The following RPA1 variants were observed in gnomAD, a reference collection of about 807,000 sequenced individuals.
RPA1 encodes replication protein A1, also known as replication protein A 70 kDa DNA-binding subunit.
Under a neutral mutation model 83.0 loss-of-function variants are expected in RPA1, and 49 were observed. The ratio of observed to expected loss-of-function variants is 0.59; its 90% CI spans 0.47 to 0.75. The LOEUF (loss-of-function observed/expected upper bound fraction) is 0.75, where lower values mean the gene tolerates loss of function less well. Among genes scored for constraint, RPA1 ranks in the 30% least tolerant of loss-of-function variants. The probability of loss-of-function intolerance (pLI) is 0.00; values close to 1 mark genes in which losing one functional copy is unlikely to be tolerated. For missense variants in RPA1, 693 were observed against 776.1 expected, an observed-to-expected ratio of 0.89 and a Z score of 1.27; for synonymous variants, 279 against 281.8, an observed-to-expected ratio of 0.99 and a Z score of 0.10.
In RPA1 at chr17:1,897,249, C is replaced by G; in HGVS notation, c.*74C>G. On this transcript the variant is annotated 3_prime_UTR_variant, in exon 17 of 17. Coordinates refer to ENST00000254719, the MANE Select transcript of RPA1 (RefSeq NM_002945.5). ...TCGATTTCCTCCCACCTCCGTGTGA[C>G]GATCCCATGTTAGCTACACAGTGCA... 1 of 1,137,728 alleles carries G rather than the reference C, an allele frequency of 8.8e-7. No individual in the cohort carries two copies. Among genetic ancestry groups the G allele is most frequent in the African/African-American group, 1.5e-5 (1 of 65,086 alleles). 70.5% of individuals were successfully genotyped at this position (1,137,728 alleles called of 1,614,324 possible).
At position 1,888,799 on chromosome 17, in the gene RPA1, G is replaced by A; in HGVS notation, c.1499G>A (p.Cys500Tyr). ...GATCAACAGAATGGATTGTACCGCT[G>A]TGAGAAGTGCGACACCGAATTTCCC... is the stretch of plus-strand genomic sequence containing the variant. Reference protein sequence around the residue: ...VIDQQNGLYRCEKCDTEFPNF... With the variant: ...VIDQQNGLYRYEKCDTEFPNF... Residue 500 changes from cysteine to tyrosine, a missense_variant, in exon 14 of 17, where the codon TGT (cysteine) becomes TAT (tyrosine). Coordinates refer to ENST00000254719, the MANE Select transcript of RPA1 (RefSeq NM_002945.5). The A allele has an allele frequency of 6.2e-7, 1 of 1,614,180 alleles. No homozygotes were observed. The highest frequency in any genetic ancestry group is 8.5e-7 in the Non-Finnish European group (1 of 1,180,012).
At chr17:1,874,032 T>TACACACACACAC (rs67199303) in intron 6 of RPA1, among the ~76,000 whole-genome samples, 5 of 79,256 alleles carry the variant, frequency 6.3e-5, no homozygotes, top group African/African-American at 1.9e-4. Flanking sequence ...TATATATATA[T>TACACACACACAC]ACACACACAC....
chr17:1,839,788 G>GTTT lies in RPA1; in HGVS notation c.34-2992_34-2990dup, dbSNP rs71150821. On this transcript the variant is annotated intron_variant, in intron 1 of 16. Coordinates refer to ENST00000254719, the MANE Select transcript of RPA1 (RefSeq NM_002945.5). ...TAGCTGGGACGACTGCGCCCAGCTA[G>GTTT]TTTTTTTTTTTTTTTTTTTTTTTTT... Among the ~76,000 whole-genome samples, 605 of 68,922 alleles carry GTTT rather than the reference G, an allele frequency of 8.8e-3. 39 individuals carry two copies. The highest frequency in any genetic ancestry group is 0.026 in the African/African-American group (518 of 20,196). 45.2% of individuals were successfully genotyped at this position (68,922 alleles called of 152,430 possible).
At chr17:1,845,684 A>G (rs144132469) in intron 4 of RPA1, among the ~76,000 whole-genome samples, 247 of 152,134 alleles carry the variant, frequency 1.6e-3, no homozygotes, top group Middle Eastern at 6.9e-3. Flanking sequence ...TCATGCCAAC[A>G]CTTTGGGAGA....
At chr17:1,848,567 C>T (rs1912355204) in intron 4 of RPA1, among the ~76,000 whole-genome samples, 3 of 151,568 alleles carry the variant, frequency 2.0e-5, no homozygotes, top group South Asian at 2.1e-4. Context: ...GTCAAGATTG[C>T]GCCATTGTAC....
At chr17:1,861,038 A>G (rs538628491) in intron 5 of RPA1, among the ~76,000 whole-genome samples, 6 of 152,246 alleles carry the variant, frequency 3.9e-5, no homozygotes, top group African/African-American at 1.4e-4. Context: ...TGGTAGAAAC[A>G]GGTACTATTT....
intron 1 of RPA1, among the ~76,000 whole-genome samples, chr17:1,831,945 C>T (rs1183678996): frequency 1.4e-5 from 1 of 72,034 alleles, no homozygotes; most frequent in African/African-American, 5.6e-5. Flanking sequence ...CTCACTCTTT[C>T]TCCCCATACC....
At chr17:1,849,693 G>A (rs1019642429) in intron 4 of RPA1, among the ~76,000 whole-genome samples, 1 of 151,492 alleles carries the variant, frequency 6.6e-6, no homozygotes, top group African/African-American at 2.4e-5. Flanking sequence ...GTCAGCAGTT[G>A]CCTGATTTTC....
chr17:1,884,051 C>A lies in RPA1; in HGVS notation c.1374+107C>A. ...AGCTGTCAGAGCCGTAATTCTTACC[C>A]GGGGCTGTGACCTGAGCGTGGCATG... On this transcript the variant is annotated intron_variant, in intron 13 of 16. Coordinates refer to ENST00000254719, the MANE Select transcript of RPA1 (RefSeq NM_002945.5). The surrounding 1 kb of genome is among the most constrained non-coding windows in gnomAD (Gnocchi z 4.1). 2.0e-6 allele frequency: 3 copies of A among 1,489,716 alleles called. No individual in the cohort carries two copies. The highest frequency in any genetic ancestry group is 2.7e-6 in the Non-Finnish European group (3 of 1,093,416). The allele number at this position is 1,489,716 out of a possible 1,614,324, so 92.3% of individuals were successfully genotyped here.
intron 5 of RPA1, among the ~76,000 whole-genome samples, chr17:1,862,262 T>C (rs1377136614): frequency 1.4e-5 from 2 of 139,230 alleles, no homozygotes; most frequent in Non-Finnish European, 3.0e-5. Flanking sequence ...CTTGAACTCC[T>C]GGGCTCAAGC....
At chr17:1,894,933 C>A (rs902801604) in intron 15 of RPA1, 76 bp from the exon 16 acceptor site, 9 of 1,197,246 alleles carry the variant, frequency 7.5e-6, no homozygotes, top group Non-Finnish European at 1.1e-5. Context: ...TTTCAGAAGT[C>A]TTTTTAAAAG....
At chr17:1,846,311 CTTTTTTTT>C (rs71150823) in intron 4 of RPA1, among the ~76,000 whole-genome samples, 10 of 75,786 alleles carry the variant, frequency 1.3e-4, no homozygotes, top group Non-Finnish European at 1.6e-4. Context: ...GGAAGCTTTG[CTTTTTTTT>C]TTTTTTTTTT....
In RPA1 at chr17:1,898,335, A is replaced by G. The variant is rs187971451; in HGVS notation, c.*1160A>G. On this transcript the variant is annotated 3_prime_UTR_variant, in exon 17 of 17. Transcript: ENST00000254719. Reference sequence around the variant, plus strand: ...ATTGATGTTTACGCAGCAGTCTAACACCAACCACGCTTTGAAATGTGTACA... The same window carrying G: ...ATTGATGTTTACGCAGCAGTCTAACGCCAACCACGCTTTGAAATGTGTACA... 2.0e-5 allele frequency: 3 copies of G among 152,358 alleles called. No individual in the cohort carries two copies. The highest frequency in any genetic ancestry group is 4.4e-5 in the Non-Finnish European group (3 of 68,032). 9.4% of individuals were successfully genotyped at this position (152,358 alleles called of 1,614,324 possible).
At chr17:1,840,565 C>T (rs1214169906) in intron 1 of RPA1, among the ~76,000 whole-genome samples, 1 of 151,982 alleles carries the variant, frequency 6.6e-6, no homozygotes, top group Non-Finnish European at 1.5e-5. Context: ...GGATTACAGG[C>T]GTGAGCCACC....
intron 11 of RPA1, among the ~76,000 whole-genome samples, chr17:1,880,203 C>T (rs1320106280): frequency 2.6e-5 from 4 of 151,948 alleles, no homozygotes; most frequent in African/African-American, 4.8e-5. Flanking sequence ...AGGAGCTCCT[C>T]GTGGGGGCGG....
chr17:1,891,955 T>G lies in RPA1; in HGVS notation c.1659+15T>G. The G allele has an allele frequency of 6.5e-7, 1 of 1,542,420 alleles. No individual in the cohort carries two copies. On this transcript the variant is annotated intron_variant, in intron 15 of 16. Coordinates refer to ENST00000254719, the MANE Select transcript of RPA1 (RefSeq NM_002945.5). ...TAAAAGACAAGGTCAGCCACATATT[T>G]TATTATAACTTCTATAACTTTTAAT...
rs951079737 is a variant in RPA1, at chr17:1,830,189, G to A, written c.33+63G>A. ...TGGCTGCGGCCCCGAGCCTCGCGGA[G>A]TAGAGAGGGGGAGGGGAGCCCGGGG... On this transcript the variant is annotated intron_variant, in intron 1 of 16. Transcript: ENST00000254719. The A allele has an allele frequency of 6.1e-6, 7 of 1,138,714 alleles. No homozygotes were observed. In the African/African-American group the frequency reaches 1.1e-4, roughly 18 times the overall value. The allele number at this position is 1,138,714 out of a possible 1,614,324, so 70.5% of individuals were successfully genotyped here.
At chr17:1,878,955 C>G in intron 8 of RPA1, 38 bp from the exon 9 acceptor site, 1 of 1,610,058 alleles carries the variant, frequency 6.2e-7, no homozygotes, top group South Asian at 1.1e-5. Flanking sequence ...GGCCTGTGTT[C>G]AATCCCGCAG....
In RPA1 at chr17:1,862,194, ATTTTTTTTT is replaced by A. The variant is rs57509401; in HGVS notation, c.361+9022_361+9030del. Among the ~76,000 whole-genome samples the A allele has an allele frequency of 2.0e-3, 182 of 93,152 alleles. 1 individual carries two copies. Among genetic ancestry groups the A allele is most frequent in the Middle Eastern group, 0.012 (2 of 168 alleles). The allele number at this position is 93,152 out of a possible 152,430, so 61.1% of individuals were successfully genotyped here. A position where few individuals can be genotyped will look rare whatever the true frequency, so the allele number is the denominator to read the frequency against. On this transcript the variant is annotated intron_variant, in intron 5 of 16. Coordinates refer to ENST00000254719, the MANE Select transcript of RPA1 (RefSeq NM_002945.5). ...GGCGTGAGCCACCGCCCCCAACCGT[ATTTTTTTTT>A]TTTTTTTTTTTTTTTTGTAGCGATG...
Sources: gnomAD v4.1 joint callset for allele counts (sites outside exome capture counted in the v4.1 genomes callset) on GRCh38, gnomAD v4.1.1 for gene constraint, Gnocchi (gnomAD v3.1) non-coding constraint, MANE v1.5 for transcripts, NCBI Gene and HGNC (gene_info 2026-07-23, HGNC 2026-07-21) for gene names.